SPIDR: variants seen among roughly 807,000 people sequenced by gnomAD.
SPIDR encodes the protein DNA repair-scaffolding protein.
A neutral mutation model predicts 104.6 loss-of-function variants in SPIDR; 93 were observed. The observed-to-expected ratio is 0.89, with a 90% confidence interval of 0.75 to 1.06. The LOEUF (loss-of-function observed/expected upper bound fraction) is 1.06. SPIDR is among the 50% of genes least tolerant of loss of function. The pLI, the probability that SPIDR is intolerant of heterozygous loss-of-function variation, is 0.00. For synonymous variants in SPIDR, 431 were observed against 416.9 expected (o/e 1.03, Z -0.41); for missense variants, 1,154 against 1,111.2 (o/e 1.04, Z -0.55).
chr8:47,427,790 C>T (rs957398359), intron 7 of SPIDR, among the ~76,000 whole-genome samples: 4 of 152,168 alleles, frequency 2.6e-5, no homozygotes, highest in Non-Finnish European at 4.4e-5. Context: ...ATCTGGTCCC[C>T]CACCTATTTC....
At chr8:47,430,432 C>T (rs2067157096) in intron 7 of SPIDR, among the ~76,000 whole-genome samples, 1 of 152,170 alleles carries the variant, frequency 6.6e-6, no homozygotes, top group Non-Finnish European at 1.5e-5. Flanking sequence ...TATCGATAGT[C>T]ATTATGGCAG....
chr8:47,397,745 G>A (rs1554659467), intron 6 of SPIDR, among the ~76,000 whole-genome samples: 3 of 152,152 alleles, frequency 2.0e-5, no homozygotes, highest in Non-Finnish European at 4.4e-5. Flanking sequence ...ACAGGGTCAT[G>A]GCTCTTATGT....
At chr8:47,385,962 A>T (rs2059856538) in intron 5 of SPIDR, among the ~76,000 whole-genome samples, 3 of 152,232 alleles carry the variant, frequency 2.0e-5, no homozygotes, top group Admixed American at 1.3e-4. Context: ...AATTATTTTT[A>T]AAATGTATCC....
chr8:47,409,716 T>C (rs1183355924), intron 7 of SPIDR, among the ~76,000 whole-genome samples: 2 of 152,224 alleles, frequency 1.3e-5, no homozygotes, highest in East Asian at 1.9e-4. Flanking sequence ...TCAATTCTTA[T>C]CTCATTTATT....
intron 8 of SPIDR, among the ~76,000 whole-genome samples, chr8:47,468,756 C>T (rs2075268940): frequency 6.6e-6 from 1 of 152,148 alleles, no homozygotes; most frequent in Admixed American, 6.5e-5. Flanking sequence ...CCAGGCAGTA[C>T]CGCTCTGGAC....
chr8:47,481,095 C>T (rs948950338), intron 8 of SPIDR, among the ~76,000 whole-genome samples: 7 of 152,168 alleles, frequency 4.6e-5, no homozygotes, highest in Admixed American at 3.3e-4. Context: ...CAGGAATCAC[C>T]GCTCTAATGC....
At chr8:47,404,249 A>G (rs972450238) in intron 6 of SPIDR, among the ~76,000 whole-genome samples, 1 of 152,254 alleles carries the variant, frequency 6.6e-6, no homozygotes, top group Admixed American at 6.5e-5. Flanking sequence ...TAAAAACCCT[A>G]GAAGAAAACC....
intron 16 of SPIDR, among the ~76,000 whole-genome samples, chr8:47,718,615 C>G (rs1484082850): frequency 3.3e-5 from 5 of 151,632 alleles, no homozygotes; most frequent in African/African-American, 1.2e-4. Flanking sequence ...GTTTAAGTCA[C>G]CTTTCATTTT....
intron 8 of SPIDR, among the ~76,000 whole-genome samples, chr8:47,555,729 C>T (rs544965597): frequency 5.3e-5 from 8 of 152,238 alleles, no homozygotes; most frequent in Non-Finnish European, 7.4e-5. Flanking sequence ...GGCCTGTATC[C>T]TCTCAATGGC....
At chr8:47,434,314 C>G (rs377188982) in intron 7 of SPIDR, among the ~76,000 whole-genome samples, 80 of 152,096 alleles carry the variant, frequency 5.3e-4, no homozygotes, top group Non-Finnish European at 8.2e-4. Flanking sequence ...GTGTGTGTGT[C>G]TGCACACTCA....
chr8:47,595,601 C>T (rs2061553241), intron 8 of SPIDR, among the ~76,000 whole-genome samples: 2 of 152,230 alleles, frequency 1.3e-5, no homozygotes, highest in Non-Finnish European at 2.9e-5. Context: ...TTCTTCCATC[C>T]CTTCCTGACA....
At chr8:47,317,317 G>C (rs2045564627) in intron 5 of SPIDR, among the ~76,000 whole-genome samples, 1 of 152,158 alleles carries the variant, frequency 6.6e-6, no homozygotes, top group East Asian at 1.9e-4. Flanking sequence ...CCCACGCCTG[G>C]CTCGGAGGGT....
At chr8:47,628,689 C>T (rs2066579523) in intron 10 of SPIDR, among the ~76,000 whole-genome samples, 1 of 151,956 alleles carries the variant, frequency 6.6e-6, no homozygotes, top group Non-Finnish European at 1.5e-5. Flanking sequence ...TATTTCAAAT[C>T]TGAAAAAAAA....
In SPIDR at chr8:47,614,154, G is replaced by T. The variant is rs563036933; in HGVS notation, c.1544+14958G>T. On this transcript the variant is annotated intron_variant, in intron 10 of 19. Coordinates refer to ENST00000297423, the MANE Select transcript of SPIDR (RefSeq NM_001080394.4). ...TCTGTTCCTGTGATATTCTGCTGGG[G>T]ATAACGGCTCCCAGCTCCATATCCA... Among the ~76,000 whole-genome samples, 208 of 152,118 alleles carry T rather than the reference G, an allele frequency of 1.4e-3. 2 individuals carry two copies. The highest frequency in any genetic ancestry group is 4.8e-3 in the African/African-American group (198 of 41,496).
At chr8:47,377,742 A>G (rs1210233506) in intron 5 of SPIDR, among the ~76,000 whole-genome samples, 1 of 152,212 alleles carries the variant, frequency 6.6e-6, no homozygotes, top group Non-Finnish European at 1.5e-5. Flanking sequence ...AAACATTTCT[A>G]TCAGAATATT....
At chr8:47,277,704 C>T (rs1287712027) in intron 1 of SPIDR, among the ~76,000 whole-genome samples, 4 of 134,586 alleles carry the variant, frequency 3.0e-5, no homozygotes, top group Admixed American at 8.1e-5. Flanking sequence ...GACAGAGTCT[C>T]GCCTTGTTGC....
At chr8:47,614,987 T>C (rs1038778801) in intron 10 of SPIDR, among the ~76,000 whole-genome samples, 3 of 152,182 alleles carry the variant, frequency 2.0e-5, no homozygotes, top group African/African-American at 4.8e-5. Context: ...CCCTATAATA[T>C]ACATGCTTTG....
intron 1 of SPIDR, among the ~76,000 whole-genome samples, chr8:47,275,123 G>T (rs1197196282): frequency 4.0e-5 from 6 of 151,582 alleles, no homozygotes; most frequent in Admixed American, 3.3e-4. Flanking sequence ...GCCGCGCGTG[G>T]TGGGGGGCGC....
At chr8:47,542,342 G>C (rs2088364103) in intron 8 of SPIDR, among the ~76,000 whole-genome samples, 1 of 152,020 alleles carries the variant, frequency 6.6e-6, no homozygotes, top group South Asian at 2.1e-4. Context: ...GTAACCAGAG[G>C]CAAATCCGAG....
Sources: allele counts gnomAD v4.1 joint callset (sites outside exome capture counted in the v4.1 genomes callset), GRCh38; gene constraint gnomAD v4.1.1; transcripts MANE v1.5; gene names NCBI Gene and HGNC (gene_info 2026-07-23, HGNC 2026-07-21).